IGSF3: variants seen among roughly 807,000 people sequenced by gnomAD.
The protein encoded by IGSF3 is immunoglobulin superfamily member 3, also known as glu-Trp-Ile EWI motif-containing protein 3.
IGSF3 carries 23 observed loss-of-function variants against 114.4 expected under a neutral mutation model. The ratio of observed to expected loss-of-function variants is 0.20; its 90% CI spans 0.14 to 0.28. IGSF3 has a LOEUF of 0.28. Among genes scored for constraint, IGSF3 ranks in the 10% least tolerant of loss-of-function variants. IGSF3 has a pLI of 1.00. For synonymous variants in IGSF3, 571 were observed against 645.2 expected (o/e 0.88, Z 1.74); for missense variants, 1,172 against 1,591.5 (o/e 0.74, Z 4.48).
At chr1:116,663,632 A>T (rs1167519683) in intron 2 of IGSF3, among the ~76,000 whole-genome samples, 1 of 152,172 alleles carries the variant, frequency 6.6e-6, no homozygotes, top group East Asian at 1.9e-4. Context: ...AGGAATCAGT[A>T]TCCCAACAGA....
chr1:116,618,887 T>C lies in IGSF3; in HGVS notation c.44-2430A>G, dbSNP rs183582546. 1.4e-4 allele frequency among the ~76,000 whole-genome samples: 22 copies of C among 152,256 alleles called. No homozygotes were observed. Among genetic ancestry groups the C allele is most frequent in the South Asian group, 1.0e-3 (5 of 4,820 alleles). On this transcript the variant is annotated intron_variant, in intron 2 of 10. Coordinates refer to ENST00000369486, the MANE Select transcript of IGSF3 (RefSeq NM_001007237.3). This position sits in a 1 kb window ranked among gnomAD's most constrained non-coding sequence, Gnocchi z 4.7. ...TCCTGCAAAGAAGGCTAGAGGCAAG[T>C]CAGGGTACACCAGCATCTTTAAGGA... is the stretch of plus-strand genomic sequence containing the variant.
chr1:116,631,077 G>C (rs1647551694), intron 2 of IGSF3, among the ~76,000 whole-genome samples: 1 of 152,066 alleles, frequency 6.6e-6, no homozygotes, highest in African/African-American at 2.4e-5. Flanking sequence ...CCAGCACTTT[G>C]GGAGGCCGAG....
At position 116,655,417 on chromosome 1, in the gene IGSF3, G is replaced by T. The variant is rs796705354; in HGVS notation, c.43+10867C>A. Among the ~76,000 whole-genome samples the T allele has an allele frequency of 6.6e-6, 1 of 152,210 alleles. No individual in the cohort carries two copies. The highest frequency in any genetic ancestry group is 1.5e-5 in the Non-Finnish European group (1 of 68,032). On this transcript the variant is annotated intron_variant, in intron 2 of 10. Transcript: ENST00000369486. The surrounding 1 kb of genome is among the most constrained non-coding windows in gnomAD (Gnocchi z 4.3). ...ACTATTTTAAAAATCAGGTCTAAAG[G>T]TGAGCCATCCAAGAAACTGCTCTTG...
intron 2 of IGSF3, among the ~76,000 whole-genome samples, chr1:116,620,357 T>C (rs576560955): frequency 1.3e-5 from 2 of 152,298 alleles, no homozygotes; most frequent in Admixed American, 6.5e-5. Context: ...TGGTCAGTGA[T>C]TTGATCAGTC....
chr1:116,644,272 G>C lies in IGSF3; in HGVS notation c.43+22012C>G, dbSNP rs1181981774. ...TGGTTTTGGCTCTTTCAAAACATCA[G>C]GGACCTCACAGGAAAACAATGCAGA... is the stretch of plus-strand genomic sequence containing the variant. On this transcript the variant is annotated intron_variant, in intron 2 of 10. Coordinates refer to ENST00000369486, the MANE Select transcript of IGSF3 (RefSeq NM_001007237.3). The surrounding 1 kb of genome is among the most constrained non-coding windows in gnomAD (Gnocchi z 5.6). Among the ~76,000 whole-genome samples the C allele has an allele frequency of 6.6e-6, 1 of 152,238 alleles. No individual in the cohort carries two copies. The highest frequency in any genetic ancestry group is 1.5e-5 in the Non-Finnish European group (1 of 68,052).
intron 7 of IGSF3, among the ~76,000 whole-genome samples, chr1:116,597,781 G>A (rs2101412266): frequency 6.6e-6 from 1 of 152,338 alleles, no homozygotes; most frequent in Admixed American, 6.5e-5. Context: ...ATGGAAGTCA[G>A]AGATACCTGG....
chr1:116,604,650 AG>A (rs1176678610), intron 5 of IGSF3, among the ~76,000 whole-genome samples: 1 of 152,222 alleles, frequency 6.6e-6, no homozygotes, highest in African/African-American at 2.4e-5. Flanking sequence ...ATTAACACAC[AG>A]GAACAAAACA....
At chr1:116,609,188 C>T (rs1433320959) in intron 4 of IGSF3, among the ~76,000 whole-genome samples, 3 of 151,904 alleles carry the variant, frequency 2.0e-5, no homozygotes, top group Non-Finnish European at 4.4e-5. Flanking sequence ...CAGACAGCCT[C>T]TGAAATGATT....
At chr1:116,631,039 C>T (rs1287785986) in intron 2 of IGSF3, among the ~76,000 whole-genome samples, 1 of 152,066 alleles carries the variant, frequency 6.6e-6, no homozygotes, top group Non-Finnish European at 1.5e-5. Flanking sequence ...ATGGGCTTGG[C>T]CGGGCATGGT....
At position 116,647,474 on chromosome 1, in the gene IGSF3, CAAT is replaced by C. The variant is rs1648432138; in HGVS notation, c.43+18807_43+18809del. ...GGTGGCAACCCCTGGCTCTGCTCAA[CAAT>C]AATGACAACCACCATTTATTGAGCC... On this transcript the variant is annotated intron_variant, in intron 2 of 10. Coordinates refer to ENST00000369486, the MANE Select transcript of IGSF3 (RefSeq NM_001007237.3). The surrounding 1 kb of genome is among the most constrained non-coding windows in gnomAD (Gnocchi z 4.6). Among the ~76,000 whole-genome samples, 1 of 152,340 alleles carries C rather than the reference CAAT, an allele frequency of 6.6e-6. No individual in the cohort carries two copies. The highest frequency in any genetic ancestry group is 2.1e-4 in the South Asian group (1 of 4,828).
chr1:116,641,634 A>T (rs573443625), intron 2 of IGSF3, among the ~76,000 whole-genome samples: 3 of 152,184 alleles, frequency 2.0e-5, no homozygotes, highest in Non-Finnish European at 2.9e-5. Flanking sequence ...AAGAGCACTG[A>T]TCACTGCAGC....
chr1:116,591,934 T>C (rs1198441139), intron 7 of IGSF3, among the ~76,000 whole-genome samples: 2 of 152,232 alleles, frequency 1.3e-5, no homozygotes, highest in African/African-American at 4.8e-5. Flanking sequence ...CAATGGTCTA[T>C]AAAAAGAGTT....
In IGSF3 at chr1:116,603,758, C is replaced by T. The variant is rs574273830; in HGVS notation, c.1490G>A (p.Gly497Asp). Residue 497 changes from glycine (G) to aspartate (D), a missense_variant, in exon 6 of 11, where the codon GGC becomes GAC. Coordinates refer to ENST00000369486, the MANE Select transcript of IGSF3 (RefSeq NM_001007237.3). The surrounding 1 kb of genome is among the most constrained non-coding windows in gnomAD (Gnocchi z 7.1). The part of the protein sequence containing the change: ...EQVQPNSFSL[G>D]IFNSRKEDEG... ...GTCCTCCTTCCTGCTGTTGAAGATG[C>T]CCAGGCTGAACGAGTTGGGCTGCAC... is the stretch of plus-strand genomic sequence containing the variant. 13 of 1,613,998 alleles carry T rather than the reference C, an allele frequency of 8.1e-6. No individual in the cohort carries two copies. The highest frequency in any genetic ancestry group is 3.3e-5 in the South Asian group (3 of 91,070).
intron 6 of IGSF3, among the ~76,000 whole-genome samples, chr1:116,601,488 TCA>T: frequency 6.6e-6 from 1 of 152,308 alleles, no homozygotes; most frequent in Non-Finnish European, 1.5e-5. Flanking sequence ...ATTAAATAAA[TCA>T]GTGTTTATAA....
chr1:116,590,468 T>A (rs1660063019), intron 7 of IGSF3, among the ~76,000 whole-genome samples: 1 of 152,144 alleles, frequency 6.6e-6, no homozygotes, highest in African/African-American at 2.4e-5. Flanking sequence ...ACTTAGTTTT[T>A]CCGCCACAGG....
rs954258672 is a variant in IGSF3, at chr1:116,638,501, CAA to C, written c.44-22046_44-22045del. 6.6e-6 allele frequency among the ~76,000 whole-genome samples: 1 copy of C among 152,164 alleles called. No individual in the cohort carries two copies. The highest frequency in any genetic ancestry group is 1.5e-5 in the Non-Finnish European group (1 of 68,024). ...CTCCGTGTCTTGGTATCCAAGGCTT[CAA>C]AAGTCTGGCCCCATTCCACCTACTC... is the stretch of plus-strand genomic sequence containing the variant. On this transcript the variant is annotated intron_variant, in intron 2 of 10. Transcript: ENST00000369486. The surrounding 1 kb of genome is among the most constrained non-coding windows in gnomAD (Gnocchi z 4.1).
Position 116,661,285 on chromosome 1 carries a change from T to C in IGSF3, c.43+4999A>G, listed in dbSNP as rs1265845498. Reference sequence around the variant, plus strand: ...TCCAGCCTGAGCAACAGTGTGAGACTCCATCTCAAAAAAAATAAAATAACT... The same window carrying C: ...TCCAGCCTGAGCAACAGTGTGAGACCCCATCTCAAAAAAAATAAAATAACT... On this transcript the variant is annotated intron_variant, in intron 2 of 10. Transcript: ENST00000369486. This position sits in a 1 kb window ranked among gnomAD's most constrained non-coding sequence, Gnocchi z 4.0. 6.6e-6 allele frequency among the ~76,000 whole-genome samples: 1 copy of C among 151,530 alleles called. No homozygotes were observed. Among genetic ancestry groups the C allele is most frequent in the Non-Finnish European group, 1.5e-5 (1 of 68,012 alleles).
chr1:116,650,142 T>C lies in IGSF3; in HGVS notation c.43+16142A>G, dbSNP rs1231271339. ...TGGTACAAGAAGAAATCCTGTTTCA[T>C]GCTCCTTTGAGGGAGTGTCTAACAT... On this transcript the variant is annotated intron_variant, in intron 2 of 10. Coordinates refer to ENST00000369486, the MANE Select transcript of IGSF3 (RefSeq NM_001007237.3). This position sits in a 1 kb window ranked among gnomAD's most constrained non-coding sequence, Gnocchi z 5.0. 1.3e-5 allele frequency among the ~76,000 whole-genome samples: 2 copies of C among 152,218 alleles called. No individual in the cohort carries two copies. The highest frequency in any genetic ancestry group is 2.9e-5 in the Non-Finnish European group (2 of 68,032).
Position 116,658,024 on chromosome 1 carries a change from GT to G in IGSF3, c.43+8259del, listed in dbSNP as rs200847453. Among the ~76,000 whole-genome samples, 95 of 143,850 alleles carry G rather than the reference GT, an allele frequency of 6.6e-4. 1 individual carries two copies. The highest frequency in any genetic ancestry group is 8.3e-4 in the Admixed American group (12 of 14,458). The allele number at this position is 143,850 out of a possible 152,430, so 94.4% of individuals were successfully genotyped here. ...TTAGAATGTCTTTGCTCTGATTATG[GT>G]TTTTTTTTTTTTGAAATGGAGTTTT... On this transcript the variant is annotated intron_variant, in intron 2 of 10. Transcript: ENST00000369486.
Sources: gnomAD v4.1 joint callset for allele counts (sites outside exome capture counted in the v4.1 genomes callset) on GRCh38, gnomAD v4.1.1 for gene constraint, Gnocchi (gnomAD v3.1) non-coding constraint, MANE v1.5 for transcripts, NCBI Gene and HGNC (gene_info 2026-07-23, HGNC 2026-07-21) for gene names.